NMNAT3: variants seen among roughly 807,000 people sequenced by gnomAD.
NMNAT3 encodes nicotinamide/nicotinic acid mononucleotide adenylyltransferase 3.
In NMNAT3, 21 loss-of-function variants were observed where a neutral mutation model predicts 24.8. That is an observed-to-expected ratio of 0.85 (90% confidence interval 0.60 to 1.22). The LOEUF (loss-of-function observed/expected upper bound fraction) is 1.22. NMNAT3 is among the 50% of genes most tolerant of loss of function. The probability of loss-of-function intolerance (pLI) is 0.00; values close to 1 mark genes in which losing one functional copy is unlikely to be tolerated. For synonymous variants in NMNAT3, 136 were observed against 155.2 expected (o/e 0.88, Z 0.92); for missense variants, 387 against 436.6 (o/e 0.89, Z 1.01).
chr3:139,641,366 T>C (rs1477603579), intron 1 of NMNAT3, among the ~76,000 whole-genome samples: 2 of 152,258 alleles, frequency 1.3e-5, no homozygotes, highest in East Asian at 1.9e-4. Flanking sequence ...AGCTGATGGC[T>C]CTTTTTCTAG....
At chr3:139,643,953 T>C (rs1338643126) in intron 1 of NMNAT3, among the ~76,000 whole-genome samples, 1 of 152,242 alleles carries the variant, frequency 6.6e-6, no homozygotes, top group Non-Finnish European at 1.5e-5. Flanking sequence ...ATTGCATTGC[T>C]TGTCAACCTC....
chr3:139,667,007 A>G (rs2057604455), intron 1 of NMNAT3, among the ~76,000 whole-genome samples: 1 of 152,198 alleles, frequency 6.6e-6, no homozygotes, highest in African/African-American at 2.4e-5. Context: ...ATGCTGATGG[A>G]CATTTAGGTT....
intron 1 of NMNAT3, among the ~76,000 whole-genome samples, chr3:139,661,196 C>T (rs1208960399): frequency 2.6e-5 from 4 of 152,140 alleles, no homozygotes; most frequent in Admixed American, 6.6e-5. Flanking sequence ...ACCTGTGCAA[C>T]GGGGCGAACT....
chr3:139,569,519 C>G (rs2108027918), intron 6 of NMNAT3: 1 of 152,270 alleles, frequency 6.6e-6, no homozygotes, highest in Non-Finnish European at 1.5e-5. Flanking sequence ...CCTTCAGGAG[C>G]TCTTTTAGGG....
intron 3 of NMNAT3, among the ~76,000 whole-genome samples, chr3:139,624,714 G>T (rs1429537071): frequency 6.6e-6 from 1 of 152,184 alleles, no homozygotes; most frequent in Non-Finnish European, 1.5e-5. Context: ...CTCCCAAAGT[G>T]TTGGGATTAC....
chr3:139,592,450 A>C (rs2054241693), intron 3 of NMNAT3, among the ~76,000 whole-genome samples: 1 of 152,220 alleles, frequency 6.6e-6, no homozygotes, highest in Non-Finnish European at 1.5e-5. Flanking sequence ...CAACATTCAA[A>C]TTCAGGAAAT....
chr3:139,621,124 A>C (rs1287466444), intron 3 of NMNAT3, among the ~76,000 whole-genome samples: 1 of 152,204 alleles, frequency 6.6e-6, no homozygotes, highest in Non-Finnish European at 1.5e-5. Context: ...TTCCACAGCC[A>C]TTCCACTATT....
intron 5 of NMNAT3, among the ~76,000 whole-genome samples, chr3:139,578,603 C>G (rs1260306827): frequency 6.6e-6 from 1 of 152,168 alleles, no homozygotes; most frequent in Admixed American, 6.5e-5. Flanking sequence ...GCACTAGACC[C>G]CAGTGCTACC....
At chr3:139,568,126 C>A (rs1576505545) in intron 6 of NMNAT3, 1 of 152,262 alleles carries the variant, frequency 6.6e-6, no homozygotes, top group Non-Finnish European at 1.5e-5. Flanking sequence ...AGTTTATTTG[C>A]ATAGAGGTGT....
At chr3:139,636,196 TAATG>T (rs1281892029) in intron 2 of NMNAT3, 2 of 152,238 alleles carry the variant, frequency 1.3e-5, no homozygotes, top group African/African-American at 4.8e-5. Context: ...TGCCAATATT[TAATG>T]AATGTTTATT....
chr3:139,647,444 C>G (rs1465811601), intron 1 of NMNAT3, among the ~76,000 whole-genome samples: 2 of 152,124 alleles, frequency 1.3e-5, no homozygotes, highest in Non-Finnish European at 2.9e-5. Flanking sequence ...ATAATGTCCC[C>G]CAAAGATGTC....
chr3:139,635,943 T>G (rs2056484530), intron 2 of NMNAT3: 1 of 152,210 alleles, frequency 6.6e-6, no homozygotes, highest in South Asian at 2.1e-4. Flanking sequence ...CCTCTACTCT[T>G]GCTACCTGGA....
chr3:139,642,677 T>C (rs534969508), intron 1 of NMNAT3, among the ~76,000 whole-genome samples: 11 of 152,278 alleles, frequency 7.2e-5, no homozygotes, highest in Admixed American at 5.2e-4. Flanking sequence ...CATGGGGACA[T>C]TGATGAGGGC....
At chr3:139,673,982 C>T (rs2057844518) in intron 1 of NMNAT3, among the ~76,000 whole-genome samples, 1 of 152,110 alleles carries the variant, frequency 6.6e-6, no homozygotes, top group South Asian at 2.1e-4. Flanking sequence ...TTCCCTGCAA[C>T]AGAGTGTGCC....
Position 139,656,223 on chromosome 3 carries a change from C to T in NMNAT3, c.-140-18161G>A, listed in dbSNP as rs1262430870. Among the ~76,000 whole-genome samples, 3 of 152,182 alleles carry T rather than the reference C, an allele frequency of 2.0e-5. No homozygotes were observed. The East Asian group carries it at 5.8e-4, about 29-fold the overall frequency. ...CTGAAGTGGAAAGGATTCTATCATG[C>T]AGAGTTGCAGACCTATTGGCAGCTT... On this transcript the variant is annotated intron_variant, in intron 1 of 6. Coordinates refer to ENST00000643695, the MANE Select transcript of NMNAT3 (RefSeq NM_001320510.2).
intron 1 of NMNAT3, among the ~76,000 whole-genome samples, chr3:139,638,582 T>G (rs186403534): frequency 1.3e-5 from 2 of 152,374 alleles, no homozygotes; most frequent in African/African-American, 2.4e-5. Context: ...CTCCGTCCCT[T>G]GACTTGAGAG....
chr3:139,614,236 T>G (rs537929690), intron 3 of NMNAT3, among the ~76,000 whole-genome samples: 54 of 152,052 alleles, frequency 3.6e-4, no homozygotes, highest in African/African-American at 1.3e-3. Flanking sequence ...TTTATGATAT[T>G]TTACTAAAAA....
chr3:139,603,054 G>T (rs897328610), intron 3 of NMNAT3, among the ~76,000 whole-genome samples: 1 of 152,014 alleles, frequency 6.6e-6, no homozygotes, highest in Non-Finnish European at 1.5e-5. Context: ...TTCTCTAACT[G>T]TTCTACCTAA....
intron 3 of NMNAT3, among the ~76,000 whole-genome samples, chr3:139,608,903 A>G (rs1289734951): frequency 6.6e-6 from 1 of 152,142 alleles, no homozygotes. Context: ...CTGTCTCCCA[A>G]ACTCCATCTC....
Sources: gnomAD v4.1 joint callset for allele counts (sites outside exome capture counted in the v4.1 genomes callset) on GRCh38, gnomAD v4.1.1 for gene constraint, MANE v1.5 for transcripts, NCBI Gene and HGNC (gene_info 2026-07-23, HGNC 2026-07-21) for gene names.